SAMD12: variants seen among roughly 807,000 people sequenced by gnomAD.
The protein encoded by SAMD12 is sterile alpha motif domain containing 12.
SAMD12 carries 9 observed loss-of-function variants against 15.0 expected under a neutral mutation model. The observed-to-expected ratio is 0.60, with a 90% CI of 0.36 to 1.05. The LOEUF is 1.05. Among genes scored for constraint, SAMD12 ranks in the 50% least tolerant of loss-of-function variants. SAMD12 has a pLI of 0.01. For missense variants in SAMD12, 230 were observed against 234.2 expected (o/e 0.98, Z 0.12); for synonymous variants, 86 against 90.1 (o/e 0.96, Z 0.25).
chr8:118,572,623 A>G (rs1030501299), intron 2 of SAMD12, among the ~76,000 whole-genome samples: 1 of 152,102 alleles, frequency 6.6e-6, no homozygotes, highest in Non-Finnish European at 1.5e-5. Context: ...GTTCCCCTGT[A>G]CAAGCTCTCT....
the SAMD12 span, among the ~76,000 whole-genome samples, chr8:118,164,399 A>G: frequency 6.6e-6 from 1 of 152,148 alleles, no homozygotes; most frequent in Non-Finnish European, 1.5e-5. Context: ...GCCTCAAGCA[A>G]TAAAATGGTG....
chr8:118,232,284 T>C (rs1306820553), intron 4 of SAMD12, among the ~76,000 whole-genome samples: 1 of 152,086 alleles, frequency 6.6e-6, no homozygotes, highest in Non-Finnish European at 1.5e-5. Context: ...ATCTAAATCA[T>C]CCTGGGGGAT....
the SAMD12 span, among the ~76,000 whole-genome samples, chr8:118,133,171 G>A: frequency 6.6e-6 from 1 of 151,016 alleles, no homozygotes; most frequent in Non-Finnish European, 1.5e-5. Flanking sequence ...TTTCCTTCTA[G>A]AGTTCCTTAT....
intron 4 of SAMD12, among the ~76,000 whole-genome samples, chr8:118,211,689 T>A (rs560245897): frequency 6.6e-6 from 1 of 152,210 alleles, no homozygotes; most frequent in African/African-American, 2.4e-5. Flanking sequence ...TAAGCTTTTT[T>A]TTTTCTTAAT....
In SAMD12 at chr8:118,429,412, A is replaced by C. The variant is rs1037797181; in HGVS notation, c.322+10420T>G. ...CAAATATTCCAAAATCCAAAAAAATACAAAACTGAAAACACTTCTGGTTCC... is the reference window on the plus strand; with the variant it reads ...CAAATATTCCAAAATCCAAAAAAATCCAAAACTGAAAACACTTCTGGTTCC... On this transcript the variant is annotated intron_variant, in intron 3 of 3. Transcript: ENST00000314727. 4.6e-5 allele frequency among the ~76,000 whole-genome samples: 7 copies of C among 152,370 alleles called. No individual in the cohort carries two copies. In the East Asian group the frequency reaches 1.3e-3, roughly 29 times the overall value.
At chr8:118,440,050 C>T in intron 2 of SAMD12, 89 bp from the exon 3 acceptor site, 1 of 1,291,262 alleles carries the variant, frequency 7.7e-7, no homozygotes, top group South Asian at 1.3e-5. Flanking sequence ...TTAAAGGCTA[C>T]AGACTGGATT....
At chr8:118,501,992 C>T (rs1441729745) in intron 2 of SAMD12, among the ~76,000 whole-genome samples, 2 of 146,744 alleles carry the variant, frequency 1.4e-5, no homozygotes, top group African/African-American at 5.2e-5. Flanking sequence ...TGCACTCAAG[C>T]CTGGGCAACA....
intron 4 of SAMD12, among the ~76,000 whole-genome samples, chr8:118,306,634 C>G (rs1815364623): frequency 6.6e-6 from 1 of 152,158 alleles, no homozygotes; most frequent in African/African-American, 2.4e-5. Context: ...CACCCCAGCC[C>G]TGCTCTTCCT....
intron 4 of SAMD12, among the ~76,000 whole-genome samples, chr8:118,331,775 G>A (rs957292098): frequency 7.9e-5 from 12 of 152,196 alleles, no homozygotes; most frequent in African/African-American, 2.4e-4. Flanking sequence ...AGTCTAGACT[G>A]GGACAACAAT....
At chr8:118,586,162 T>C (rs1046439157) in intron 1 of SAMD12, among the ~76,000 whole-genome samples, 2 of 152,150 alleles carry the variant, frequency 1.3e-5, no homozygotes, top group Non-Finnish European at 2.9e-5. Flanking sequence ...CTGAAATGTG[T>C]TGTGCTTCTC....
At chr8:118,537,581 A>C (rs1443715555) in intron 2 of SAMD12, among the ~76,000 whole-genome samples, 2 of 152,086 alleles carry the variant, frequency 1.3e-5, no homozygotes, top group Non-Finnish European at 2.9e-5. Context: ...TGCATTCTTC[A>C]GTATGTCAAT....
chr8:118,515,258 C>G (rs778488511), intron 2 of SAMD12, among the ~76,000 whole-genome samples: 1 of 139,520 alleles, frequency 7.2e-6, no homozygotes, highest in Non-Finnish European at 1.5e-5. Context: ...TGGTCTCGAT[C>G]TCCTGATCTC....
chr8:118,215,699 G>A (rs1038143940), intron 4 of SAMD12, among the ~76,000 whole-genome samples: 2,644 of 151,198 alleles, frequency 0.017, 91 homozygotes, highest in African/African-American at 0.06. Context: ...CCACCTATGA[G>A]TGAGAATATG....
intron 4 of SAMD12, among the ~76,000 whole-genome samples, chr8:118,304,303 A>G (rs1032512330): frequency 3.9e-5 from 6 of 152,200 alleles, no homozygotes; most frequent in African/African-American, 1.4e-4. Flanking sequence ...ATGTCACAAC[A>G]ATTTTTAGAA....
the SAMD12 span, among the ~76,000 whole-genome samples, chr8:118,143,989 G>A: frequency 3.4e-4 from 51 of 152,096 alleles, no homozygotes; most frequent in Non-Finnish European, 7.1e-4. Flanking sequence ...GTGTTGGCGG[G>A]GCTGTGTTCC....
chr8:118,391,959 T>C (rs887463965), intron 3 of SAMD12, among the ~76,000 whole-genome samples: 1 of 147,538 alleles, frequency 6.8e-6, no homozygotes, highest in Non-Finnish European at 1.5e-5. Context: ...AAAAAAGAGG[T>C]CTTGGGTTTG....
chr8:118,245,177 C>A (rs1275569242), intron 4 of SAMD12, among the ~76,000 whole-genome samples: 1 of 152,114 alleles, frequency 6.6e-6, no homozygotes, highest in East Asian at 1.9e-4. Context: ...GCAAACAAAA[C>A]CAGGGCATGC....
At chr8:118,452,473 T>C (rs1823113197) in intron 2 of SAMD12, among the ~76,000 whole-genome samples, 1 of 152,190 alleles carries the variant, frequency 6.6e-6, no homozygotes, top group Non-Finnish European at 1.5e-5. Flanking sequence ...TTCATACAAT[T>C]AGAAAAAATT....
intron 2 of SAMD12, among the ~76,000 whole-genome samples, chr8:118,455,441 CCTT>C (rs531549956): frequency 2.6e-3 from 401 of 152,256 alleles, no homozygotes; most frequent in Admixed American, 4.6e-3. Context: ...ACTAGTTAGT[CCTT>C]CTTTCTTTGT....
Sources: allele counts gnomAD v4.1 joint callset (sites outside exome capture counted in the v4.1 genomes callset), GRCh38; gene constraint gnomAD v4.1.1; transcripts MANE v1.5; gene names NCBI Gene and HGNC (gene_info 2026-07-23, HGNC 2026-07-21).